The following WASF1 variants were observed in gnomAD, a reference collection of about 807,000 sequenced individuals.
WASF1 encodes the protein WASP family member 1, also known as actin-binding protein WASF1.
A neutral mutation model predicts 50.5 loss-of-function variants in WASF1; 7 were observed. The observed-to-expected ratio is 0.14, with a 90% CI of 0.08 to 0.26. The LOEUF (loss-of-function observed/expected upper bound fraction) is 0.26. WASF1 is among the 10% of genes least tolerant of loss of function. The pLI, the probability that WASF1 is intolerant of heterozygous loss-of-function variation, is 1.00. For synonymous variants in WASF1, 205 were observed against 244.0 expected (o/e 0.84, Z 1.49); for missense variants, 470 against 694.7 (o/e 0.68, Z 3.64).
intron 3 of WASF1, among the ~76,000 whole-genome samples, chr6:110,135,721 C>CTT (rs139834112): frequency 0.025 from 1,856 of 73,524 alleles, 89 homozygotes; most frequent in African/African-American, 0.03. Context: ...GGAAGATTAT[C>CTT]TTTTTTTTTT....
At chr6:110,127,004 CCT>C (rs1774446079) in intron 4 of WASF1, among the ~76,000 whole-genome samples, 1 of 152,100 alleles carries the variant, frequency 6.6e-6, no homozygotes, top group Non-Finnish European at 1.5e-5. Flanking sequence ...CTAGCCTACC[CCT>C]CTGACTAATA....
At chr6:110,150,188 T>C (rs748467487) in intron 3 of WASF1, among the ~76,000 whole-genome samples, 6 of 152,128 alleles carry the variant, frequency 3.9e-5, no homozygotes, top group Non-Finnish European at 7.4e-5. Context: ...GGTTAAAATA[T>C]AGAAAGTGAA....
intron 2 of WASF1, among the ~76,000 whole-genome samples, chr6:110,178,139 C>T (rs1777014146): frequency 1.3e-5 from 2 of 152,176 alleles, no homozygotes; most frequent in Admixed American, 1.3e-4. Flanking sequence ...TTAAAATCCT[C>T]ATCTTAAATA....
intron 3 of WASF1, among the ~76,000 whole-genome samples, chr6:110,135,777 A>G (rs1053334455): frequency 7.9e-5 from 5 of 63,038 alleles, no homozygotes; most frequent in Non-Finnish European, 9.6e-5. Flanking sequence ...TGGGTTTGTC[A>G]TTACTTTTTG....
At chr6:110,111,914 G>A (rs1294794627) in intron 5 of WASF1, among the ~76,000 whole-genome samples, 1 of 151,970 alleles carries the variant, frequency 6.6e-6, no homozygotes, top group Non-Finnish European at 1.5e-5. Flanking sequence ...AACTTTAAAT[G>A]GGTGAACTGC....
chr6:110,124,227 CTCTCTCTCCTCTCT>C (rs1562170229), intron 4 of WASF1, among the ~76,000 whole-genome samples: 1 of 63,668 alleles, frequency 1.6e-5, no homozygotes, highest in African/African-American at 1.1e-4. Context: ...CCTCTCTCTC[CTCTCTCTCCTCTCT>C]CTCTCTCTCT....
chr6:110,119,685 T>A (rs112341418), intron 4 of WASF1, among the ~76,000 whole-genome samples: 1 of 152,298 alleles, frequency 6.6e-6, no homozygotes, highest in Middle Eastern at 3.4e-3. Flanking sequence ...CCCTAACTCA[T>A]TTTATGAGGC....
chr6:110,163,095 C>T (rs1052245868), intron 2 of WASF1, among the ~76,000 whole-genome samples: 1 of 151,500 alleles, frequency 6.6e-6, no homozygotes, highest in African/African-American at 2.4e-5. Flanking sequence ...ACAACGAATA[C>T]GTCATATCTG....
intron 4 of WASF1, among the ~76,000 whole-genome samples, chr6:110,115,919 C>G (rs150693333): frequency 6.6e-6 from 1 of 152,018 alleles, no homozygotes; most frequent in Non-Finnish European, 1.5e-5. Context: ...GGGGATGAAG[C>G]GTGGCAAGGT....
chr6:110,126,223 C>T (rs1183747458), intron 4 of WASF1, among the ~76,000 whole-genome samples: 1 of 152,008 alleles, frequency 6.6e-6, no homozygotes, highest in African/African-American at 2.4e-5. Context: ...TATCTTTAAA[C>T]AATATAGTTA....
intron 4 of WASF1, among the ~76,000 whole-genome samples, chr6:110,114,525 T>G (rs1216225879): frequency 5.9e-5 from 9 of 152,168 alleles, no homozygotes; most frequent in Non-Finnish European, 1.0e-4. Context: ...ATGCAATTTT[T>G]GTGGGTGCAT....
chr6:110,120,981 C>T (rs552614289), intron 4 of WASF1, among the ~76,000 whole-genome samples: 1 of 152,194 alleles, frequency 6.6e-6, no homozygotes, highest in South Asian at 2.1e-4. Flanking sequence ...ACTGGCTAGC[C>T]ATATGAAGAA....
intron 4 of WASF1, 76 bp downstream of exon 4, chr6:110,127,393 C>T: frequency 3.9e-6 from 5 of 1,275,224 alleles, no homozygotes; most frequent in Non-Finnish European, 5.2e-6. Flanking sequence ...CCAAATTAAT[C>T]AGAAGCACAA....
chr6:110,105,363 G>A (rs1773271386), intron 8 of WASF1, 44 bp downstream of exon 8: 3 of 1,546,358 alleles, frequency 1.9e-6, no homozygotes, highest in Non-Finnish European at 2.6e-6. Context: ...TACAAATAAA[G>A]CCAATGTTTT....
intron 3 of WASF1, among the ~76,000 whole-genome samples, chr6:110,149,948 G>A (rs552479317): frequency 1.3e-5 from 2 of 152,038 alleles, no homozygotes; most frequent in South Asian, 4.1e-4. Context: ...GGCTGGTGTC[G>A]AACTCCTGAG....
At chr6:110,153,842 TA>T (rs1344730467) in intron 3 of WASF1, among the ~76,000 whole-genome samples, 1 of 151,642 alleles carries the variant, frequency 6.6e-6, no homozygotes, top group African/African-American at 2.4e-5. Flanking sequence ...GTGTGTCTGG[TA>T]ATTTGAGGTT....
chr6:110,173,932 T>C (rs1035792341), intron 2 of WASF1, among the ~76,000 whole-genome samples: 15 of 152,200 alleles, frequency 9.9e-5, no homozygotes, highest in Non-Finnish European at 2.1e-4. Flanking sequence ...AGAATTGTGA[T>C]TGGTATCTCT....
chr6:110,143,797 T>G (rs1428763406), intron 3 of WASF1, among the ~76,000 whole-genome samples: 1 of 152,204 alleles, frequency 6.6e-6, no homozygotes. Context: ...TAAAGGTGTT[T>G]CAGTATTTTT....
At chr6:110,163,897 G>A (rs773820939) in intron 2 of WASF1, among the ~76,000 whole-genome samples, 5 of 151,506 alleles carry the variant, frequency 3.3e-5, no homozygotes, top group Non-Finnish European at 7.4e-5. Flanking sequence ...AAAGAGCCCA[G>A]AAACAGACCC....
Sources: gnomAD v4.1 joint callset for allele counts (sites outside exome capture counted in the v4.1 genomes callset) on GRCh38, gnomAD v4.1.1 for gene constraint, MANE v1.5 for transcripts, NCBI Gene and HGNC (gene_info 2026-07-23, HGNC 2026-07-21) for gene names.